Variants in SORCS3 observed in about 807,000 individuals in gnomAD.
SORCS3 encodes sortilin related VPS10 domain containing receptor 3.
In SORCS3, 57 loss-of-function variants were observed where a neutral mutation model predicts 146.3. That is an observed-to-expected ratio of 0.39 (90% confidence interval 0.31 to 0.49). The LOEUF is 0.49. Among genes scored for constraint, SORCS3 ranks in the 20% least tolerant of loss-of-function variants. The pLI, the probability that SORCS3 is intolerant of heterozygous loss-of-function variation, is 0.92. For missense variants in SORCS3, 1,341 were observed against 1,575.5 expected (o/e 0.85, Z 2.52); for synonymous variants, 653 against 618.5 (o/e 1.06, Z -0.83).
chr10:105,242,548 A>ATG (rs2056835687), intron 20 of SORCS3, among the ~76,000 whole-genome samples: 1 of 85,570 alleles, frequency 1.2e-5, no homozygotes, highest in African/African-American at 4.9e-5. Flanking sequence ...ATATTTATAT[A>ATG]TTTATATACA....
chr10:104,912,391 C>A (rs543229089), intron 2 of SORCS3, among the ~76,000 whole-genome samples: 28 of 152,316 alleles, frequency 1.8e-4, no homozygotes, highest in African/African-American at 5.8e-4. Context: ...GGTCTATCTC[C>A]AGTCTTGCAC....
At chr10:104,727,303 A>T (rs2016647722) in intron 1 of SORCS3, among the ~76,000 whole-genome samples, 1 of 152,200 alleles carries the variant, frequency 6.6e-6, no homozygotes, top group African/African-American at 2.4e-5. Flanking sequence ...ATATATATTC[A>T]TTGTACTTTT....
chr10:104,999,948 G>T (rs150833353), intron 4 of SORCS3, among the ~76,000 whole-genome samples: 12 of 152,012 alleles, frequency 7.9e-5, no homozygotes, highest in African/African-American at 2.7e-4. Context: ...CTTTTACTTG[G>T]CCCCTGGTCC....
rs868251153 is a variant in SORCS3 at position 105,244,272 on chromosome 10, A to T, written c.2869-1270A>T. 4.3e-4 allele frequency among the ~76,000 whole-genome samples: 65 copies of T among 151,228 alleles called. 1 individual carries two copies. Among genetic ancestry groups the T allele is most frequent in the East Asian group, 1.6e-3 (8 of 5,132 alleles). The stretch of plus-strand genomic sequence containing the variant: ...TCAAGATTCTTCTTTCCAGGAAAAA[A>T]AAATATATATATATATATAATTAGA... On this transcript the variant is annotated intron_variant, in intron 20 of 26. Transcript: ENST00000369701.
intron 11 of SORCS3, 76 bp from the exon 12 acceptor site, chr10:105,164,227 C>G (rs2056292716): frequency 9.3e-7 from 1 of 1,070,366 alleles, no homozygotes; most frequent in Admixed American, 1.7e-5. Context: ...TTACTCTCTG[C>G]TCCCCCATCC....
chr10:104,720,447 G>A (rs889831236), intron 1 of SORCS3, among the ~76,000 whole-genome samples: 1 of 152,200 alleles, frequency 6.6e-6, no homozygotes, highest in African/African-American at 2.4e-5. Context: ...AAGTGTGCAT[G>A]TGTCTTTATA....
At chr10:104,791,799 A>G (rs2017498399) in intron 1 of SORCS3, among the ~76,000 whole-genome samples, 1 of 152,178 alleles carries the variant, frequency 6.6e-6, no homozygotes, top group African/African-American at 2.4e-5. Flanking sequence ...ACACAGAATC[A>G]TGGGGCCTGT....
In SORCS3 at chr10:104,808,571, G is replaced by A. The variant is rs78951978; in HGVS notation, c.628-34221G>A. 7.2e-3 allele frequency among the ~76,000 whole-genome samples: 1,089 copies of A among 152,248 alleles called. 13 individuals are homozygous for A. The highest frequency in any genetic ancestry group is 0.025 in the African/African-American group (1,034 of 41,552). On this transcript the variant is annotated intron_variant, in intron 1 of 26. Transcript: ENST00000369701. ...GATGGAGGGAAAAACATGTGTGAAG[G>A]CCTGGAATCAAAAAAGAGAATGAGG... is the stretch of plus-strand genomic sequence containing the variant.
intron 5 of SORCS3, among the ~76,000 whole-genome samples, chr10:105,087,578 G>C (rs1384109885): frequency 6.6e-6 from 1 of 151,918 alleles, no homozygotes; most frequent in Non-Finnish European, 1.5e-5. Flanking sequence ...TCCTCTGCGT[G>C]TCTGGCCTCA....
intron 7 of SORCS3, among the ~76,000 whole-genome samples, chr10:105,111,020 T>A (rs1459986397): frequency 1.3e-5 from 2 of 152,110 alleles, no homozygotes; most frequent in Non-Finnish European, 2.9e-5. Context: ...GTGACCTGGA[T>A]CCTACCTACT....
At chr10:104,716,173 C>A (rs1306215387) in intron 1 of SORCS3, among the ~76,000 whole-genome samples, 1 of 152,168 alleles carries the variant, frequency 6.6e-6, no homozygotes, top group African/African-American at 2.4e-5. Context: ...ATAACATTTT[C>A]ACTGTCGGAC....
At chr10:104,804,314 A>G (rs951227834) in intron 1 of SORCS3, among the ~76,000 whole-genome samples, 1 of 152,234 alleles carries the variant, frequency 6.6e-6, no homozygotes, top group Non-Finnish European at 1.5e-5. Flanking sequence ...TTCCAGCCTT[A>G]CATTTCATGT....
chr10:104,989,279 G>T (rs1490417033), intron 4 of SORCS3, among the ~76,000 whole-genome samples: 1 of 152,220 alleles, frequency 6.6e-6, no homozygotes, highest in Non-Finnish European at 1.5e-5. Context: ...GGAAGATGAA[G>T]TCTGACTCTG....
At chr10:105,071,969 C>T (rs1405192144) in intron 5 of SORCS3, among the ~76,000 whole-genome samples, 1 of 152,102 alleles carries the variant, frequency 6.6e-6, no homozygotes, top group Admixed American at 6.5e-5. Flanking sequence ...CTTGAAGATG[C>T]AAGGTTCCTG....
At chr10:105,171,397 G>C (rs778015656) in intron 13 of SORCS3, among the ~76,000 whole-genome samples, 1 of 151,912 alleles carries the variant, frequency 6.6e-6, no homozygotes, top group Non-Finnish European at 1.5e-5. Context: ...TGAATAGAGA[G>C]ATCTGATGAA....
At chr10:105,099,090 T>A (rs948413590) in intron 6 of SORCS3, among the ~76,000 whole-genome samples, 2 of 152,216 alleles carry the variant, frequency 1.3e-5, no homozygotes, top group African/African-American at 4.8e-5. Flanking sequence ...GTATTAGGTA[T>A]TTGCAGCAAT....
intron 1 of SORCS3, among the ~76,000 whole-genome samples, chr10:104,821,541 T>C (rs1008280518): frequency 1.3e-5 from 2 of 152,204 alleles, no homozygotes; most frequent in African/African-American, 2.4e-5. Context: ...GTTGCTACCA[T>C]CTATCTGTAG....
At chr10:104,884,518 A>G (rs549599470) in intron 2 of SORCS3, among the ~76,000 whole-genome samples, 1 of 152,350 alleles carries the variant, frequency 6.6e-6, no homozygotes, top group Admixed American at 6.5e-5. Context: ...TCAGCAGACC[A>G]TGGGGAGCTA....
At chr10:105,174,700 C>T (rs2056385606) in intron 13 of SORCS3, among the ~76,000 whole-genome samples, 2 of 152,096 alleles carry the variant, frequency 1.3e-5, no homozygotes, top group Admixed American at 1.3e-4. Flanking sequence ...ACCTTTTCTA[C>T]CTGGACGTTG....
Sources: allele counts gnomAD v4.1 joint callset (sites outside exome capture counted in the v4.1 genomes callset), GRCh38; gene constraint gnomAD v4.1.1; transcripts MANE v1.5; gene names NCBI Gene and HGNC (gene_info 2026-07-23, HGNC 2026-07-21).